KCNQ5: variants seen among roughly 807,000 people sequenced by gnomAD.
KCNQ5 encodes potassium voltage-gated channel subfamily Q member 5, also known as potassium voltage-gated channel subfamily KQT member 5.
Under a neutral mutation model 98.2 loss-of-function variants are expected in KCNQ5, and 30 were observed. The observed-to-expected ratio is 0.31, with a 90% CI of 0.23 to 0.41. KCNQ5 has a LOEUF of 0.41. Among genes scored for constraint, KCNQ5 ranks in the 10% least tolerant of loss-of-function variants. The pLI is 1.00. For synonymous variants in KCNQ5, 458 were observed against 449.4 expected (o/e 1.02, Z -0.24); for missense variants, 835 against 1,182.5 (o/e 0.71, Z 4.31).
intron 11 of KCNQ5, among the ~76,000 whole-genome samples, chr6:73,183,129 A>G (rs1778458185): frequency 6.6e-6 from 1 of 152,216 alleles, no homozygotes; most frequent in African/African-American, 2.4e-5. Flanking sequence ...AGAGCATACA[A>G]GGCAGAGTAG....
intron 2 of KCNQ5, among the ~76,000 whole-genome samples, chr6:73,008,024 T>C (rs1006892469): frequency 1.3e-5 from 2 of 152,062 alleles, no homozygotes; most frequent in Non-Finnish European, 2.9e-5. Context: ...GTTAAACTGG[T>C]ATAAATTCAA....
chr6:72,971,747 C>G (rs1767910909), intron 1 of KCNQ5, among the ~76,000 whole-genome samples: 1 of 152,110 alleles, frequency 6.6e-6, no homozygotes, highest in Non-Finnish European at 1.5e-5. Context: ...GACAGAAAAC[C>G]AAACATCACA....
intron 1 of KCNQ5, among the ~76,000 whole-genome samples, chr6:72,911,653 G>T (rs1009834323): frequency 3.3e-5 from 5 of 152,056 alleles, no homozygotes; most frequent in Non-Finnish European, 7.4e-5. Context: ...ATCCAATTAT[G>T]ATGCTGTTGA....
intron 2 of KCNQ5, among the ~76,000 whole-genome samples, chr6:73,034,844 T>C (rs9360627): frequency 0.076 from 5,771 of 76,070 alleles, 211 homozygotes; most frequent in African/African-American, 0.22. Context: ...CTTTTCTTTT[T>C]TTTTTTTTTT....
intron 3 of KCNQ5, among the ~76,000 whole-genome samples, chr6:73,051,244 G>C (rs1303942503): frequency 6.6e-6 from 1 of 152,148 alleles, no homozygotes; most frequent in Non-Finnish European, 1.5e-5. Context: ...GAGGCTGGCA[G>C]CCCCACGCTC....
chr6:72,630,548 T>C (rs2098920247), intron 1 of KCNQ5: 1 of 152,196 alleles, frequency 6.6e-6, no homozygotes, highest in African/African-American at 2.4e-5. Context: ...TTGGAGAATA[T>C]GACAGATTTA....
At chr6:72,930,604 T>G (rs1935527) in intron 1 of KCNQ5, among the ~76,000 whole-genome samples, 49,139 of 141,258 alleles carry the variant, frequency 0.35, 9,022 homozygotes, top group African/African-American at 0.44. Flanking sequence ...AAAAAACCGC[T>G]CAAATGGTCC....
intron 1 of KCNQ5, among the ~76,000 whole-genome samples, chr6:72,849,469 A>G (rs1001681817): frequency 5.3e-5 from 8 of 152,030 alleles, no homozygotes; most frequent in African/African-American, 1.9e-4. Flanking sequence ...TTGTATTTTT[A>G]ATGATAGAAA....
intron 11 of KCNQ5, among the ~76,000 whole-genome samples, chr6:73,181,121 T>C (rs1300088438): frequency 1.3e-5 from 2 of 152,200 alleles, no homozygotes; most frequent in South Asian, 2.1e-4. Context: ...CACTTTGCTT[T>C]AGTTATTTCT....
At chr6:72,746,083 AAAAAAAAAAAAAAAAAAAAAAG>A (rs1771385247) in intron 1 of KCNQ5, among the ~76,000 whole-genome samples, 1 of 27,924 alleles carries the variant, frequency 3.6e-5, no homozygotes, top group African/African-American at 2.3e-4. Flanking sequence ...AAAAAAAAAA[AAAAAAAAAAAAAAAAAAAAAAG>A]GGTCACATTC....
intron 1 of KCNQ5, among the ~76,000 whole-genome samples, chr6:72,699,614 G>A (rs1048387599): frequency 6.6e-6 from 1 of 152,026 alleles, no homozygotes; most frequent in African/African-American, 2.4e-5. Flanking sequence ...ACAATTAAAG[G>A]ACAAATGATG....
At chr6:72,883,722 CTGAAGCT>C (rs1260251801) in intron 1 of KCNQ5, among the ~76,000 whole-genome samples, 2 of 152,210 alleles carry the variant, frequency 1.3e-5, no homozygotes, top group East Asian at 3.9e-4. Context: ...AAATCTTATG[CTGAAGCT>C]CATTACACAG....
At chr6:73,105,105 A>G in intron 5 of KCNQ5, 152 bp from the exon 6 acceptor site, 1 of 485,626 alleles carries the variant, frequency 2.1e-6, no homozygotes, top group South Asian at 3.7e-5. Flanking sequence ...AAGTTCTGTC[A>G]TGCGTCATGG....
At chr6:72,861,772 A>G (rs1777772629) in intron 1 of KCNQ5, among the ~76,000 whole-genome samples, 2 of 151,980 alleles carry the variant, frequency 1.3e-5, no homozygotes, top group Admixed American at 1.3e-4. Flanking sequence ...AAACCTGGAT[A>G]CATATGTAAC....
intron 9 of KCNQ5, among the ~76,000 whole-genome samples, chr6:73,125,906 C>T (rs1775971039): frequency 6.6e-6 from 1 of 152,074 alleles, no homozygotes; most frequent in Non-Finnish European, 1.5e-5. Context: ...TTCTTCCCCA[C>T]CTAAGAAACG....
At position 73,105,269 on chromosome 6, in the gene KCNQ5, A is replaced by G; in HGVS notation, c.931A>G (p.Thr311Ala). ...ATTTTGTTTCTAGATTACATTGACAACTATTGGCTATGGAGACAAAACTCC... is the reference window on the plus strand; with the variant it reads ...ATTTTGTTTCTAGATTACATTGACAGCTATTGGCTATGGAGACAAAACTCC... Reference protein sequence around the residue: ...ALWWGTITLTTIGYGDKTPLT... With the variant: ...ALWWGTITLTAIGYGDKTPLT... Residue 311 changes from threonine to alanine, a missense_variant, in exon 6 of 14, where the codon ACT becomes GCT. Thr to Ala is a moderately conservative substitution (Grantham distance 58). This residue lies in a region of KCNQ5 where 30 missense variants were observed against 132.9 expected (regional missense o/e 0.23). Transcript: ENST00000370398. 1 of 1,601,168 alleles carries G rather than the reference A, an allele frequency of 6.2e-7. No individual in the cohort carries two copies.
chr6:72,770,105 A>T (rs1582256670), intron 1 of KCNQ5, among the ~76,000 whole-genome samples: 1 of 152,258 alleles, frequency 6.6e-6, no homozygotes, highest in Middle Eastern at 3.4e-3. Flanking sequence ...TAAATGGGAG[A>T]TATGGTTTTA....
chr6:72,667,277 C>T (rs1766872065), intron 1 of KCNQ5, among the ~76,000 whole-genome samples: 1 of 152,120 alleles, frequency 6.6e-6, no homozygotes, highest in Non-Finnish European at 1.5e-5. Context: ...TGACTTAAGC[C>T]TCACCTCTGT....
intron 2 of KCNQ5, among the ~76,000 whole-genome samples, chr6:73,012,040 A>G (rs932145564): frequency 6.6e-6 from 1 of 152,102 alleles, no homozygotes; most frequent in Admixed American, 6.6e-5. Context: ...TGCTATAGCC[A>G]CTATGGAAAA....
Sources: allele counts gnomAD v4.1 joint callset (sites outside exome capture counted in the v4.1 genomes callset), GRCh38; gene constraint gnomAD v4.1.1; regional missense constraint gnomAD v4.1.1; transcripts MANE v1.5; gene names NCBI Gene and HGNC (gene_info 2026-07-23, HGNC 2026-07-21).